The following PLB1 variants were observed in gnomAD, a reference collection of about 807,000 sequenced individuals.
The protein encoded by PLB1 is phospholipase B1, membrane-associated.
In PLB1, 242 loss-of-function variants were observed where a neutral mutation model predicts 227.4. That is an observed-to-expected ratio of 1.06 (90% confidence interval 0.96 to 1.18). The LOEUF is 1.18. Ranked by LOEUF, PLB1 falls within the 50% of genes most tolerant of loss-of-function variation. The pLI is 0.00. For synonymous variants in PLB1, 757 were observed against 682.2 expected, an observed-to-expected ratio of 1.11 and a Z score of -1.71; for missense variants, 1,858 against 1,816.3, an observed-to-expected ratio of 1.02 and a Z score of -0.42.
chr2:28,626,026 C>T (rs1378178818), intron 50 of PLB1, among the ~76,000 whole-genome samples: 15 of 149,722 alleles, frequency 1.0e-4, no homozygotes, highest in African/African-American at 3.2e-4. Context: ...GACGGAGTCT[C>T]GCTCTGTCAC....
chr2:28,509,379 A>AC, intron 1 of PLB1, among the ~76,000 whole-genome samples: 1 of 152,258 alleles, frequency 6.6e-6, no homozygotes, highest in African/African-American at 2.4e-5. Flanking sequence ...TCTGGTGCCC[A>AC]GCATACCCAT....
chr2:28,538,767 G>A (rs1431144834), intron 10 of PLB1, among the ~76,000 whole-genome samples: 4 of 152,168 alleles, frequency 2.6e-5, no homozygotes, highest in African/African-American at 9.7e-5. Flanking sequence ...CTGTGGCCCT[G>A]CCTTCCGCTT....
intron 17 of PLB1, among the ~76,000 whole-genome samples, chr2:28,559,990 G>C (rs926912228): frequency 1.5e-4 from 23 of 152,054 alleles, no homozygotes; most frequent in Non-Finnish European, 2.8e-4. Context: ...GACCTCAGGT[G>C]ATCTGCCCGT....
intron 53 of PLB1, 38 bp from the exon 54 acceptor site, chr2:28,630,548 C>A: frequency 6.3e-7 from 1 of 1,574,812 alleles, no homozygotes; most frequent in South Asian, 1.1e-5. Flanking sequence ...AGCCACAGTG[C>A]CCCAGGCAGC....
At chr2:28,609,983 G>T (rs1685214678) in intron 43 of PLB1, among the ~76,000 whole-genome samples, 1 of 151,994 alleles carries the variant, frequency 6.6e-6, no homozygotes, top group Admixed American at 6.6e-5. Flanking sequence ...TTCTCAGTGG[G>T]GAGGGCCTTA....
At position 28,529,422 on chromosome 2, in the gene PLB1, T is replaced by C. The variant is rs545545552; in HGVS notation, c.416+15T>C. Reference sequence around the variant, plus strand: ...GATGGTGCTGAGTAAGTTCCCTTTCTGTCTCTCTCTGAGGTTATGTGTTCC... The same window carrying C: ...GATGGTGCTGAGTAAGTTCCCTTTCCGTCTCTCTCTGAGGTTATGTGTTCC... On this transcript the variant is annotated intron_variant, in intron 7 of 57. Transcript: ENST00000327757. 2.9e-5 allele frequency: 45 copies of C among 1,562,790 alleles called. No individual in the cohort carries two copies. The highest frequency in any genetic ancestry group is 5.0e-5 in the Admixed American group (3 of 59,950).
intron 25 of PLB1, 143 bp from the exon 26 acceptor site, chr2:28,585,618 A>T: frequency 1.4e-6 from 1 of 699,444 alleles, no homozygotes; most frequent in South Asian, 1.7e-5. Context: ...TCAGCAGGTC[A>T]GCCAGCCAGG....
chr2:28,538,145 A>G (rs1671957537), intron 9 of PLB1, 174 bp from the exon 10 acceptor site: 1 of 797,228 alleles, frequency 1.3e-6, no homozygotes. Context: ...GAACAAAATG[A>G]AGACAAAACT....
intron 1 of PLB1, among the ~76,000 whole-genome samples, chr2:28,500,859 GC>G (rs1225059879): frequency 6.6e-6 from 1 of 152,152 alleles, no homozygotes; most frequent in Non-Finnish European, 1.5e-5. Context: ...TACAGATTTG[GC>G]CAGTGAGAGC....
At chr2:28,563,316 C>T (rs1676343420) in intron 18 of PLB1, among the ~76,000 whole-genome samples, 1 of 152,130 alleles carries the variant, frequency 6.6e-6, no homozygotes, top group Non-Finnish European at 1.5e-5. Flanking sequence ...TCTCATCTTC[C>T]TCCCCCAATG....
Position 28,589,774 on chromosome 2 carries a change from A to T in PLB1, c.2016+4A>T, listed in dbSNP as rs765042896. 1 of 1,612,166 alleles carries T rather than the reference A, an allele frequency of 6.2e-7. No individual in the cohort carries two copies. The highest frequency in any genetic ancestry group is 1.1e-5 in the South Asian group (1 of 91,062). The stretch of plus-strand genomic sequence containing the variant: ...CAGTGCTCTCTGGAACAATATGGTA[A>T]GTGGCTGCGGTAGGAAAATGCATCC... On this transcript the variant is annotated splice_donor_region_variant and intron_variant, in intron 28 of 57. Coordinates refer to ENST00000327757, the MANE Select transcript of PLB1 (RefSeq NM_153021.5).
intron 43 of PLB1, among the ~76,000 whole-genome samples, chr2:28,608,035 C>A (rs891396233): frequency 2.0e-5 from 3 of 152,186 alleles, no homozygotes; most frequent in Non-Finnish European, 4.4e-5. Context: ...CAGAGACCCC[C>A]AAAAGGAGGC....
intron 56 of PLB1, among the ~76,000 whole-genome samples, chr2:28,640,692 G>A (rs1280280836): frequency 1.3e-5 from 2 of 152,186 alleles, no homozygotes; most frequent in African/African-American, 4.8e-5. Flanking sequence ...CAGGGGCACA[G>A]ACTCAGGGTT....
At chr2:28,505,584 G>A (rs762880443) in intron 1 of PLB1, among the ~76,000 whole-genome samples, 29 of 152,108 alleles carry the variant, frequency 1.9e-4, no homozygotes, top group African/African-American at 3.4e-4. Flanking sequence ...CAAAACCAAC[G>A]GTGGGAGCTG....
At chr2:28,536,258 A>G (rs1441475321) in intron 9 of PLB1, among the ~76,000 whole-genome samples, 2 of 152,220 alleles carry the variant, frequency 1.3e-5, no homozygotes, top group African/African-American at 2.4e-5. Flanking sequence ...ACTATCCATT[A>G]GGTGTGACAA....
intron 17 of PLB1, among the ~76,000 whole-genome samples, chr2:28,555,330 C>A (rs1674904490): frequency 6.6e-6 from 1 of 151,748 alleles, no homozygotes; most frequent in Non-Finnish European, 1.5e-5. Flanking sequence ...TTTGTAGAGA[C>A]AGGGTTTCGC....
chr2:28,516,867 G>T lies in PLB1; in HGVS notation c.115G>T (p.Glu39Ter). The T allele has an allele frequency of 6.2e-7, 1 of 1,613,614 alleles. No individual in the cohort carries two copies. The highest frequency in any genetic ancestry group is 1.3e-5 in the African/African-American group (1 of 75,038). The change falls in exon 2 of 58, where the codon GAG (glutamate) becomes TAG (stop). Residue 39 changes from glutamate to a stop codon, truncating the protein, a stop_gained and splice_region_variant. Coordinates refer to ENST00000327757, the MANE Select transcript of PLB1 (RefSeq NM_153021.5). LOFTEE classifies it high-confidence loss of function. ...TACATTGGAAGGGCAGCTATGGCCA[G>T]AGGTAAGGGCTTTGGCTGGTGGGAG... ...KSTLEGQLWP[E>*]TLKNSPFPCN...
chr2:28,549,564 T>C (rs1186102726), intron 15 of PLB1, among the ~76,000 whole-genome samples: 1 of 152,060 alleles, frequency 6.6e-6, no homozygotes, highest in East Asian at 1.9e-4. Flanking sequence ...TACAGGCACG[T>C]GCCACCACAC....
At chr2:28,534,491 C>T (rs1423810602) in intron 9 of PLB1, among the ~76,000 whole-genome samples, 2 of 152,160 alleles carry the variant, frequency 1.3e-5, no homozygotes, top group African/African-American at 2.4e-5. Flanking sequence ...GAGATTTTTG[C>T]ATCATTTCTA....
Sources: gnomAD v4.1 joint callset for allele counts (sites outside exome capture counted in the v4.1 genomes callset) on GRCh38, gnomAD v4.1.1 for gene constraint, MANE v1.5 for transcripts, NCBI Gene and HGNC (gene_info 2026-07-23, HGNC 2026-07-21) for gene names.